OTUD7A: variants seen among roughly 807,000 people sequenced by gnomAD.
OTUD7A encodes OTU deubiquitinase 7A.
OTUD7A carries 12 observed loss-of-function variants against 65.7 expected under a neutral mutation model. That is an observed-to-expected ratio of 0.18 (90% CI 0.12 to 0.30). OTUD7A has a LOEUF of 0.30. Ranked by LOEUF, OTUD7A falls within the 10% of genes least tolerant of loss-of-function variation. The pLI, the probability that OTUD7A is intolerant of heterozygous loss-of-function variation, is 1.00. For synonymous variants in OTUD7A, 641 were observed against 586.3 expected (o/e 1.09, Z -1.35); for missense variants, 1,148 against 1,304.8 (o/e 0.88, Z 1.85).
chr15:31,629,773 C>T (rs1230140673), intron 3 of OTUD7A, among the ~76,000 whole-genome samples: 1 of 152,050 alleles, frequency 6.6e-6, no homozygotes, highest in East Asian at 1.9e-4. Context: ...TTTCAGAGCT[C>T]GTTATTGGTC....
intron 1 of OTUD7A, among the ~76,000 whole-genome samples, chr15:31,789,178 G>A (rs1338583280): frequency 6.6e-6 from 1 of 152,102 alleles, no homozygotes; most frequent in East Asian, 1.9e-4. Flanking sequence ...GCCACTCTAA[G>A]CAACACTGAC....
intron 1 of OTUD7A, among the ~76,000 whole-genome samples, chr15:31,868,964 C>T (rs1286880196): frequency 2.6e-5 from 4 of 152,150 alleles, no homozygotes; most frequent in Admixed American, 6.5e-5. Context: ...ATCACACTAA[C>T]AATTTAAGGC....
chr15:31,514,050 TTTCTTTC>T lies in OTUD7A; in HGVS notation c.894-10239_894-10233del, dbSNP rs781767166. On this transcript the variant is annotated intron_variant, in intron 8 of 12. Transcript: ENST00000307050. ...TTTCTTTTTTTCTTTTCTTTCTTTC[TTTCTTTC>T]TTTTTTTTTTTTTTGAGACAGGGTC... Among the ~76,000 whole-genome samples, 91 of 72,144 alleles carry T rather than the reference TTTCTTTC, an allele frequency of 1.3e-3. 1 individual carries two copies. The Middle Eastern group carries it at 0.028, about 22-fold the overall frequency. The allele number at this position is 72,144 out of a possible 152,430, so 47.3% of individuals were successfully genotyped here.
At chr15:31,760,162 T>C (rs1332601614) in intron 1 of OTUD7A, among the ~76,000 whole-genome samples, 1 of 152,172 alleles carries the variant, frequency 6.6e-6, no homozygotes, top group East Asian at 1.9e-4. Flanking sequence ...ATCTTCCCTA[T>C]CATTATTCTT....
intron 3 of OTUD7A, among the ~76,000 whole-genome samples, chr15:31,583,668 T>C (rs1411108348): frequency 2.6e-5 from 4 of 151,924 alleles, no homozygotes; most frequent in Non-Finnish European, 5.9e-5. Flanking sequence ...TCCACCATGA[T>C]TGTGAGGCCT....
At chr15:31,560,287 T>C (rs1888648628) in intron 4 of OTUD7A, among the ~76,000 whole-genome samples, 2 of 152,264 alleles carry the variant, frequency 1.3e-5, no homozygotes, top group Admixed American at 6.5e-5. Flanking sequence ...AGTCAGTCCA[T>C]GTGTTTCTCT....
intron 3 of OTUD7A, among the ~76,000 whole-genome samples, chr15:31,603,280 GT>G (rs142207849): frequency 0.31 from 47,807 of 151,798 alleles, 9,541 homozygotes; most frequent in African/African-American, 0.57. Context: ...AACCTCAGAA[GT>G]TAACACCACA....
At chr15:31,728,569 T>C (rs1893957736) in intron 1 of OTUD7A, among the ~76,000 whole-genome samples, 2 of 152,046 alleles carry the variant, frequency 1.3e-5, no homozygotes, top group Admixed American at 1.3e-4. Context: ...TTCCTCATCC[T>C]CCTGCTTTGT....
intron 1 of OTUD7A, among the ~76,000 whole-genome samples, chr15:31,780,741 G>A (rs1019758580): frequency 1.3e-5 from 2 of 152,220 alleles, no homozygotes; most frequent in Admixed American, 6.5e-5. Context: ...AGGGCAAAGG[G>A]AGCCTCTGAG....
At chr15:31,577,719 T>C (rs781148900) in intron 3 of OTUD7A, among the ~76,000 whole-genome samples, 6 of 151,826 alleles carry the variant, frequency 4.0e-5, no homozygotes, top group Non-Finnish European at 7.4e-5. Context: ...ATATATATTT[T>C]ACAGAATTTG....
At chr15:31,580,611 G>T (rs1369683286) in intron 3 of OTUD7A, among the ~76,000 whole-genome samples, 2 of 152,148 alleles carry the variant, frequency 1.3e-5, no homozygotes, top group Non-Finnish European at 1.5e-5. Context: ...GGCTGGGGAG[G>T]CCTGACAATC....
chr15:31,652,754 A>T (rs1389458629), intron 3 of OTUD7A, among the ~76,000 whole-genome samples: 2 of 152,250 alleles, frequency 1.3e-5, no homozygotes, highest in African/African-American at 4.8e-5. Context: ...AGGAAAATGA[A>T]AATTAAAACC....
chr15:31,710,448 G>A (rs575162662), intron 1 of OTUD7A, among the ~76,000 whole-genome samples: 2,088 of 151,314 alleles, frequency 0.014, 26 homozygotes, highest in African/African-American at 0.049. Flanking sequence ...TCACCCAGCC[G>A]CACGGCCATG....
chr15:31,786,928 C>CCCTAA (rs1407465578), intron 1 of OTUD7A, among the ~76,000 whole-genome samples: 1 of 152,090 alleles, frequency 6.6e-6, no homozygotes, highest in African/African-American at 2.4e-5. Context: ...AAAACAAAGA[C>CCCTAA]CCTAAGGAGG....
intron 1 of OTUD7A, among the ~76,000 whole-genome samples, chr15:31,816,506 C>G (rs145338880): frequency 1.3e-5 from 2 of 148,686 alleles, no homozygotes; most frequent in African/African-American, 5.0e-5. Flanking sequence ...CTGGCTAACA[C>G]GGTGAAACCC....
chr15:31,524,671 T>C (rs2041986425), intron 8 of OTUD7A, among the ~76,000 whole-genome samples: 1 of 152,100 alleles, frequency 6.6e-6, no homozygotes, highest in African/African-American at 2.4e-5. Context: ...CTCTGGCCAT[T>C]CCCCGGGTTC....
chr15:31,609,377 A>G (rs981314370), intron 3 of OTUD7A, among the ~76,000 whole-genome samples: 6 of 152,184 alleles, frequency 3.9e-5, no homozygotes, highest in Admixed American at 6.5e-5. Flanking sequence ...TGCCGTTAGC[A>G]GGCACACGGT....
intron 10 of OTUD7A, among the ~76,000 whole-genome samples, chr15:31,492,704 A>G (rs578165343): frequency 1.3e-5 from 2 of 152,340 alleles, no homozygotes; most frequent in South Asian, 4.1e-4. Context: ...CGGAACCATT[A>G]AAAAGCTCAA....
At chr15:31,633,487 G>A (rs150453188) in intron 3 of OTUD7A, among the ~76,000 whole-genome samples, 3,137 of 152,244 alleles carry the variant, frequency 0.021, 99 homozygotes, top group African/African-American at 0.072. Flanking sequence ...CAGAAGCAGG[G>A]CTTAGTCATC....
Sources: gnomAD v4.1 joint callset for allele counts (sites outside exome capture counted in the v4.1 genomes callset) on GRCh38, gnomAD v4.1.1 for gene constraint, MANE v1.5 for transcripts, NCBI Gene and HGNC (gene_info 2026-07-23, HGNC 2026-07-21) for gene names.